Variants in KIAA0753 observed in about 807,000 individuals in gnomAD.
The protein encoded by KIAA0753 is KIAA0753, also known as protein moonraker.
Under a neutral mutation model 116.9 loss-of-function variants are expected in KIAA0753, and 114 were observed. The ratio of observed to expected loss-of-function variants is 0.98; its 90% CI spans 0.84 to 1.14. The LOEUF (loss-of-function observed/expected upper bound fraction) is 1.14, where lower values mean the gene tolerates loss of function less well. KIAA0753 is among the 50% of genes most tolerant of loss of function. The pLI is 0.00. For synonymous variants in KIAA0753, 405 were observed against 413.1 expected (o/e 0.98, Z 0.24); for missense variants, 1,156 against 1,172.4 (o/e 0.99, Z 0.20).
At position 6,624,777 on chromosome 17, in the gene KIAA0753, AT is replaced by A; in HGVS notation, c.802del (p.Met268CysfsTer9). On this transcript the variant is annotated frameshift_variant, in exon 4 of 19. Coordinates refer to ENST00000361413, the MANE Select transcript of KIAA0753 (RefSeq NM_014804.3). LOFTEE classifies it high-confidence loss of function. ...RQEQAARSARMLYVLQQQVKE... is the reference protein window; with the variant it reads ...RQEQAARSARXLYVLQQQVKE... Reference sequence around the variant, plus strand: ...CACCTGCTGCTGGAGGACGTAGAGCATTCGGGCAGAGCGAGCAGCTTGCTCC... The same window carrying A: ...CACCTGCTGCTGGAGGACGTAGAGCATCGGGCAGAGCGAGCAGCTTGCTCC... 2 of 1,560,488 alleles carry A rather than the reference AT, an allele frequency of 1.3e-6. No homozygotes were observed. The highest frequency in any genetic ancestry group is 1.7e-6 in the Non-Finnish European group (2 of 1,150,598).
chr17:6,620,685 G>T, intron 7 of KIAA0753, 103 bp downstream of exon 7: 8 of 1,101,458 alleles, frequency 7.3e-6, no homozygotes, highest in Non-Finnish European at 1.1e-5. Flanking sequence ...TCTGTTGTGG[G>T]CTAGGTCCTA....
At chr17:6,631,290 G>A (rs775653787) in intron 2 of KIAA0753, among the ~76,000 whole-genome samples, 5 of 152,180 alleles carry the variant, frequency 3.3e-5, no homozygotes, top group African/African-American at 1.2e-4. Flanking sequence ...ACTATATGCC[G>A]TCAGGCTAAA....
chr17:6,619,658 C>A (rs568261293), intron 7 of KIAA0753, among the ~76,000 whole-genome samples: 5 of 152,100 alleles, frequency 3.3e-5, no homozygotes, highest in Non-Finnish European at 7.3e-5. Flanking sequence ...AACCCCTGGG[C>A]TCAAGCAATA....
rs1972535545 is a variant in KIAA0753 at position 6,639,605 on chromosome 17, T to C, written c.-69+1032A>G. 6.5e-6 allele frequency: 1 copy of C among 152,822 alleles called. No homozygotes were observed. 9.5% of individuals were successfully genotyped at this position (152,822 alleles called of 1,614,324 possible). A position where few individuals can be genotyped will look rare whatever the true frequency, so the allele number is the denominator to read the frequency against. On this transcript the variant is annotated intron_variant, in intron 1 of 18. Transcript: ENST00000361413. The surrounding 1 kb of genome is among the most constrained non-coding windows in gnomAD (Gnocchi z 4.3). The stretch of plus-strand genomic sequence containing the variant: ...TAAGCTGCCCCTAAGCCCAGAGCTG[T>C]GGGCCCTGAGGGGGCCCGAGGGATC...
Position 6,591,070 on chromosome 17 carries a change from A to G in KIAA0753, c.2441-440T>C, listed in dbSNP as rs1285228389. Among the ~76,000 whole-genome samples the G allele has an allele frequency of 5.5e-4, 71 of 129,752 alleles. 4 individuals are homozygous for G. The highest frequency in any genetic ancestry group is 2.0e-3 in the African/African-American group (62 of 30,852). 85.1% of individuals were successfully genotyped at this position (129,752 alleles called of 152,430 possible). On this transcript the variant is annotated intron_variant, in intron 16 of 18. Transcript: ENST00000361413. ...AAGAAGAAGAAGAAGAAGAAGAAGA[A>G]GAAGAAGAAGAAGAAGAAGAAGAAG...
At chr17:6,605,815 T>C (rs1344282899) in intron 12 of KIAA0753, among the ~76,000 whole-genome samples, 2 of 152,202 alleles carry the variant, frequency 1.3e-5, no homozygotes, top group Non-Finnish European at 2.9e-5. Context: ...ATGTTCATTC[T>C]GTAATATTTT....
chr17:6,627,242 TTTTCC>T (rs1414504296), intron 3 of KIAA0753, among the ~76,000 whole-genome samples: 2 of 152,228 alleles, frequency 1.3e-5, no homozygotes, highest in Non-Finnish European at 2.9e-5. Flanking sequence ...TAGTAAATGT[TTTTCC>T]TTTCCTTATT....
rs544500762 is a variant in KIAA0753 at position 6,590,848 on chromosome 17, T to G, written c.2441-218A>C. On this transcript the variant is annotated intron_variant, in intron 16 of 18. Transcript: ENST00000361413. Reference sequence around the variant, plus strand: ...ATGAGGAATACGTTTTAAGAAATAATGAACTTGCTCTGAGGAAGGTTTCTT... The same window carrying G: ...ATGAGGAATACGTTTTAAGAAATAAGGAACTTGCTCTGAGGAAGGTTTCTT... Among the ~76,000 whole-genome samples, 9 of 152,214 alleles carry G rather than the reference T, an allele frequency of 5.9e-5. No individual in the cohort carries two copies. In the South Asian group the frequency reaches 1.7e-3, roughly 28 times the overall value.
Position 6,598,964 on chromosome 17 carries a change from C to CA in KIAA0753, c.2172+272dup, listed in dbSNP as rs1039790356. Among the ~76,000 whole-genome samples, 42 of 152,200 alleles carry CA rather than the reference C, an allele frequency of 2.8e-4. 1 individual carries two copies. Among genetic ancestry groups the CA allele is most frequent in the Admixed American group, 1.3e-4 (2 of 15,274 alleles). On this transcript the variant is annotated intron_variant, in intron 14 of 18. Coordinates refer to ENST00000361413, the MANE Select transcript of KIAA0753 (RefSeq NM_014804.3). ...CAGGCCACCAACATTCAGGGCCACA[C>CA]AGGGCACCCACACTCTGTTATCCAG...
chr17:6,601,454 C>T (rs1055713902), intron 12 of KIAA0753, among the ~76,000 whole-genome samples: 1 of 152,170 alleles, frequency 6.6e-6, no homozygotes, highest in African/African-American at 2.4e-5. Flanking sequence ...GAAGCAACAT[C>T]CTGATCTTAC....
rs1967988681 is a variant in KIAA0753 at position 6,579,573 on chromosome 17, G to A, written c.*174C>T. 2 of 622,034 alleles carry A rather than the reference G, an allele frequency of 3.2e-6. No homozygotes were observed. The highest frequency in any genetic ancestry group is 3.6e-5 in the African/African-American group (2 of 55,090). The allele number at this position is 622,034 out of a possible 1,614,324, so 38.5% of individuals were successfully genotyped here. A position where few individuals can be genotyped will look rare whatever the true frequency, so the allele number is the denominator to read the frequency against. The stretch of plus-strand genomic sequence containing the variant: ...CATACATTTCCAGAACCATTGCCAT[G>A]ACAAAAGAAAATGCAAAGTGAGGAT... On this transcript the variant is annotated 3_prime_UTR_variant, in exon 19 of 19. Coordinates refer to ENST00000361413, the MANE Select transcript of KIAA0753 (RefSeq NM_014804.3).
At chr17:6,594,337 T>G (rs974881086) in intron 16 of KIAA0753, among the ~76,000 whole-genome samples, 1 of 150,924 alleles carries the variant, frequency 6.6e-6, no homozygotes, top group Admixed American at 6.6e-5. Flanking sequence ...AATATGTGGC[T>G]TAAACTTGTT....
chr17:6,599,258 C>G lies in KIAA0753; in HGVS notation c.2151G>C (p.Ala717=). The G allele has an allele frequency of 6.2e-7, 1 of 1,613,744 alleles. No homozygotes were observed. The change falls in exon 14 of 19, where the codon GCG becomes GCC. Residue 717 remains alanine (A), a synonymous_variant. Transcript: ENST00000361413. ...HLKDGSSVNT[A]KAQPAQEVAA... ...ATACCTCCTGTGCAGGCTGGGCTTT[C>G]GCTGTGTTTACTGACGAGCCATCTT... is the stretch of plus-strand genomic sequence containing the variant.
At chr17:6,638,329 C>G (rs1972462611) in intron 1 of KIAA0753, 1 of 152,714 alleles carries the variant, frequency 6.5e-6, no homozygotes, top group Non-Finnish European at 1.5e-5. Flanking sequence ...CAAAATGTCT[C>G]TAGAGCTGCC....
intron 7 of KIAA0753, among the ~76,000 whole-genome samples, chr17:6,619,183 C>A (rs1382597179): frequency 1.3e-5 from 2 of 151,652 alleles, no homozygotes; most frequent in African/African-American, 4.8e-5. Context: ...GAGCCGAGAT[C>A]ACATCACTGC....
chr17:6,626,745 G>C (rs1287641236), intron 3 of KIAA0753, among the ~76,000 whole-genome samples: 2 of 152,184 alleles, frequency 1.3e-5, no homozygotes, highest in African/African-American at 4.8e-5. Context: ...CCGCTACTGT[G>C]ACATTTTTAT....
At chr17:6,623,465 G>A (rs1175443277) in intron 5 of KIAA0753, 44 bp downstream of exon 5, 1 of 1,469,450 alleles carries the variant, frequency 6.8e-7, no homozygotes, top group African/African-American at 1.4e-5. Flanking sequence ...ACTGGGAAAT[G>A]TCATTTATAA....
At chr17:6,594,272 T>C (rs1969297342) in intron 16 of KIAA0753, among the ~76,000 whole-genome samples, 4 of 88,296 alleles carry the variant, frequency 4.5e-5, no homozygotes, top group African/African-American at 2.4e-4. Flanking sequence ...TCACTTCAGA[T>C]TCTGACCCCC....
In KIAA0753 at chr17:6,628,501, G is replaced by A; in HGVS notation, c.334C>T (p.Gln112Ter). ...TGTTCTTTTATATGTTTTTCAAATT[G>A]TCTTCGTTTCACATCTCTTCTGGCT... ...HLARRDVKRR[Q>*]FEKHIKEHHL... Residue 112 changes from glutamine (Q) to a stop codon, truncating the protein, a stop_gained, in exon 3 of 19, where the codon CAA (glutamine) becomes TAA (stop). Transcript: ENST00000361413. LOFTEE classifies it high-confidence loss of function. The A allele has an allele frequency of 1.2e-6, 2 of 1,614,156 alleles. No homozygotes were observed. Among genetic ancestry groups the A allele is most frequent in the Non-Finnish European group, 1.7e-6 (2 of 1,180,026 alleles).
Sources: gnomAD v4.1 joint callset for allele counts (sites outside exome capture counted in the v4.1 genomes callset) on GRCh38, gnomAD v4.1.1 for gene constraint, Gnocchi (gnomAD v3.1) non-coding constraint, MANE v1.5 for transcripts, NCBI Gene and HGNC (gene_info 2026-07-23, HGNC 2026-07-21) for gene names.